Variants in OTOG observed in about 807,000 individuals in gnomAD.
OTOG encodes otogelin.
Under a neutral mutation model 313.8 loss-of-function variants are expected in OTOG, and 296 were observed. The observed-to-expected ratio is 0.94, with a 90% confidence interval of 0.86 to 1.04. OTOG has a LOEUF of 1.04. Among genes scored for constraint, OTOG ranks in the 50% least tolerant of loss-of-function variants. The pLI, the probability that OTOG is intolerant of heterozygous loss-of-function variation, is 0.00. For synonymous variants in OTOG, 1,533 were observed against 1,554.9 expected (o/e 0.99, Z 0.33); for missense variants, 3,948 against 3,840.1 (o/e 1.03, Z -0.74).
chr11:17,613,181 T>C (rs921372329), intron 38 of OTOG, among the ~76,000 whole-genome samples: 6 of 98,108 alleles, frequency 6.1e-5, no homozygotes, highest in Non-Finnish European at 1.0e-4. Flanking sequence ...TTTCTTTCTT[T>C]CTTTCTTTCT....
At chr11:17,559,909 G>GAAGGAAAGAAGGGAGGAAGAA (rs1554968738) in intron 12 of OTOG, among the ~76,000 whole-genome samples, 7 of 148,820 alleles carry the variant, frequency 4.7e-5, no homozygotes, top group East Asian at 3.9e-4. Context: ...AGGGAGGAAG[G>GAAGGAAAGAAGGGAGGAAGAA]AAGGAAAGAA....
Position 17,553,456 on chromosome 11 carries a change from C to T in OTOG, c.477C>T (p.Ser159=), listed in dbSNP as rs745990734. 60 of 1,467,710 alleles carry T rather than the reference C, an allele frequency of 4.1e-5. No homozygotes were observed. The highest frequency in any genetic ancestry group is 3.6e-4 in the Middle Eastern group (2 of 5,628). 90.9% of individuals were successfully genotyped at this position (1,467,710 alleles called of 1,614,324 possible). ...TTGATGGGCTCTACTACTACCTCTC[C>T]GGAAAGGGCAGCTACACCCTGGTGG... The part of the protein sequence containing the change: ...ETFDGLYYYL[S]GKGSYTLVGR... Residue 159 remains serine (S), a synonymous_variant, in exon 6 of 56, where the codon TCC becomes TCT. Transcript: ENST00000399397.
intron 15 of OTOG, among the ~76,000 whole-genome samples, chr11:17,564,490 A>G (rs2134015293): frequency 6.6e-6 from 1 of 152,302 alleles, no homozygotes; most frequent in African/African-American, 2.4e-5. Flanking sequence ...ATTATATGAG[A>G]AAAACAACGA....
intron 39 of OTOG, among the ~76,000 whole-genome samples, chr11:17,627,452 C>T (rs1854013760): frequency 6.6e-6 from 1 of 152,036 alleles, no homozygotes; most frequent in Non-Finnish European, 1.5e-5. Context: ...CCCACTTGGT[C>T]ACAATTAATG....
intron 8 of OTOG, 84 bp from the exon 9 acceptor site, chr11:17,558,101 A>C: frequency 6.8e-7 from 1 of 1,480,300 alleles, no homozygotes. Context: ...ATCCCTTGGG[A>C]TCCGCTTTCC....
At chr11:17,558,158 C>T (rs2134005597) in intron 8 of OTOG, 27 bp from the exon 9 acceptor site, 1 of 1,550,070 alleles carries the variant, frequency 6.5e-7, no homozygotes, top group Admixed American at 2.0e-5. Flanking sequence ...ATCGCTGCCC[C>T]ATCATGATGT....
In OTOG at chr11:17,591,543, G is replaced by T. The variant is rs1314667008; in HGVS notation, c.2961G>T (p.Gly987=). The T allele has an allele frequency of 3.9e-6, 6 of 1,550,522 alleles. No individual in the cohort carries two copies. Among genetic ancestry groups the T allele is most frequent in the Non-Finnish European group, 5.2e-6 (6 of 1,147,024 alleles). ...YGDRHYRTFD[G]LPFDFVGACK... is the part of the protein sequence containing the mutation. ...ACCGGCATTACCGCACGTTTGATGG[G>T]CTCCCGTTTGACTTCGTGGGGGCAT... The change falls in exon 25 of 56, where the codon GGG becomes GGT. Residue 987 remains glycine, a synonymous_variant. Coordinates refer to ENST00000399397, the MANE Select transcript of OTOG (RefSeq NM_001292063.2).
In OTOG at chr11:17,641,056, A is replaced by G. The variant is rs1847960719; in HGVS notation, c.8155A>G (p.Thr2719Ala). The change falls in exon 51 of 56, where the codon ACC (threonine) becomes GCC (alanine). Residue 2719 changes from threonine to alanine, a missense_variant. Coordinates refer to ENST00000399397, the MANE Select transcript of OTOG (RefSeq NM_001292063.2). ...DPLTNFYQIN[T>A]TSVLCDIHCE... ...TCTCACCAACTTCTACCAGATCAACACCACCTCCGTGCTCTGTGACATCCA... is the reference window on the plus strand; with the variant it reads ...TCTCACCAACTTCTACCAGATCAACGCCACCTCCGTGCTCTGTGACATCCA... 3 of 1,265,348 alleles carry G rather than the reference A, an allele frequency of 2.4e-6. No homozygotes were observed. Among genetic ancestry groups the G allele is most frequent in the Non-Finnish European group, 3.1e-6 (3 of 982,584 alleles). The allele number at this position is 1,265,348 out of a possible 1,614,324, so 78.4% of individuals were successfully genotyped here. A position where few individuals can be genotyped will look rare whatever the true frequency, so the allele number is the denominator to read the frequency against.
chr11:17,632,281 T>A, intron 42 of OTOG, 55 bp downstream of exon 42: 2 of 1,503,096 alleles, frequency 1.3e-6, no homozygotes, highest in Non-Finnish European at 1.8e-6. Flanking sequence ...CCATCCCCTG[T>A]TAAAGTGGGA....
At chr11:17,619,476 C>T (rs1332067708) in intron 39 of OTOG, among the ~76,000 whole-genome samples, 1 of 152,036 alleles carries the variant, frequency 6.6e-6, no homozygotes, top group Non-Finnish European at 1.5e-5. Context: ...TTGTTCCCTC[C>T]TTCCTTTTTT....
chr11:17,566,520 A>G (rs1363633759), intron 15 of OTOG, among the ~76,000 whole-genome samples: 1 of 152,234 alleles, frequency 6.6e-6, no homozygotes, highest in Non-Finnish European at 1.5e-5. Context: ...CTGTATCTAC[A>G]TGTGCTAAAC....
intron 5 of OTOG, 29 bp from the exon 6 acceptor site, chr11:17,553,336 A>G: frequency 6.8e-7 from 1 of 1,475,884 alleles, no homozygotes; most frequent in Non-Finnish European, 9.0e-7. Flanking sequence ...CTGTAGCTAC[A>G]CAGAGAGGTT....
At chr11:17,599,532 C>A (rs2134070579) in intron 30 of OTOG, 139 bp from the exon 31 acceptor site, 2 of 886,776 alleles carry the variant, frequency 2.3e-6, no homozygotes, top group South Asian at 1.5e-5. Context: ...TGACCATTCC[C>A]AAATCTTGAC....
intron 4 of OTOG, 140 bp from the exon 5 acceptor site, chr11:17,552,979 C>T (rs1274924933): frequency 4.0e-6 from 3 of 758,100 alleles, no homozygotes; most frequent in Non-Finnish European, 6.5e-6. Flanking sequence ...GAGGCACCAG[C>T]TTGTGCTAGC....
chr11:17,568,594 C>G (rs191663478), intron 15 of OTOG, among the ~76,000 whole-genome samples: 1 of 152,286 alleles, frequency 6.6e-6, no homozygotes, highest in African/African-American at 2.4e-5. Flanking sequence ...GTATGCCTTG[C>G]ACATAGTTGG....
At position 17,609,155 on chromosome 11, in the gene OTOG, C is replaced by A. The variant is rs1439363890; in HGVS notation, c.4300C>A (p.Pro1434Thr). ...GGTAGAAGGCTGTGTCCCTGTGTGC[C>A]CCACCCCCCAGGTCCTGGATGAAGT... Reference protein sequence around the residue: ...PRVEGCVPVCPTPQVLDEVTQ... With the variant: ...PRVEGCVPVCTTPQVLDEVTQ... The change falls in exon 35 of 56, where the codon CCC becomes ACC. Residue 1434 changes from proline (P) to threonine (T), a missense_variant. Physicochemically the swap from Pro to Thr is conservative, Grantham distance 38. Transcript: ENST00000399397. 6.4e-7 allele frequency: 1 copy of A among 1,550,506 alleles called. No individual in the cohort carries two copies. The highest frequency in any genetic ancestry group is 8.7e-7 in the Non-Finnish European group (1 of 1,146,906).
rs1853125105 is a variant in OTOG at position 17,596,978 on chromosome 11, C to T, written c.3653C>T (p.Ala1218Val). The change falls in exon 30 of 56, where the codon GCT becomes GTT. Residue 1218 changes from alanine to valine, a missense_variant. By Grantham distance (64) the Ala-to-Val change is moderately conservative. Coordinates refer to ENST00000399397, the MANE Select transcript of OTOG (RefSeq NM_001292063.2). ...YAHQCCQHGVAVDWRTPRLCP... is the reference protein window; with the variant it reads ...YAHQCCQHGVVVDWRTPRLCP... ...CACCAGTGTTGCCAGCATGGGGTGG[C>T]TGTTGACTGGCGAACCCCCCGCCTC... The T allele has an allele frequency of 6.4e-7, 1 of 1,550,430 alleles. No individual in the cohort carries two copies. Among genetic ancestry groups the T allele is most frequent in the Non-Finnish European group, 8.7e-7 (1 of 1,146,978 alleles).
intron 32 of OTOG, among the ~76,000 whole-genome samples, chr11:17,605,440 A>T (rs1411551509): frequency 6.6e-6 from 1 of 152,142 alleles, no homozygotes. Context: ...AGCGTGCCCC[A>T]CATGTCTAAT....
chr11:17,605,276 C>T, intron 32 of OTOG, among the ~76,000 whole-genome samples: 1 of 152,202 alleles, frequency 6.6e-6, no homozygotes, highest in Non-Finnish European at 1.5e-5. Flanking sequence ...CAGAGACAAG[C>T]TTTGGGTCTC....
Sources: allele counts gnomAD v4.1 joint callset (sites outside exome capture counted in the v4.1 genomes callset), GRCh38; gene constraint gnomAD v4.1.1; transcripts MANE v1.5; gene names NCBI Gene and HGNC (gene_info 2026-07-23, HGNC 2026-07-21).